The following HS3ST5 variants were observed in gnomAD, a reference collection of about 807,000 sequenced individuals.
HS3ST5 encodes heparan sulfate glucosamine 3-O-sulfotransferase 5.
In HS3ST5, 10 loss-of-function variants were observed where a neutral mutation model predicts 25.4. The ratio of observed to expected loss-of-function variants is 0.39; its 90% CI spans 0.24 to 0.67. The LOEUF is 0.67. HS3ST5 is among the 30% of genes least tolerant of loss of function. The pLI, the probability that HS3ST5 is intolerant of heterozygous loss-of-function variation, is 0.44. For synonymous variants in HS3ST5, 170 were observed against 162.4 expected, an observed-to-expected ratio of 1.05 and a Z score of -0.36; for missense variants, 324 against 420.7, an observed-to-expected ratio of 0.77 and a Z score of 2.01.
In HS3ST5 at chr6:114,055,807, C is replaced by T. The variant is rs766995554; in HGVS notation, c.*1450G>A. ...ACTGTGATTGTGAGAAAAAAAAAAT[C>T]CATCTTTTTGTTGTCGTTGTTAATA... is the stretch of plus-strand genomic sequence containing the variant. On this transcript the variant is annotated 3_prime_UTR_variant, in exon 5 of 5. Transcript: ENST00000312719. The T allele has an allele frequency of 3.9e-5, 6 of 152,114 alleles. No individual in the cohort carries two copies. The highest frequency in any genetic ancestry group is 8.8e-5 in the Non-Finnish European group (6 of 68,018). 9.4% of individuals were successfully genotyped at this position (152,114 alleles called of 1,614,324 possible).
intron 3 of HS3ST5, among the ~76,000 whole-genome samples, chr6:114,096,301 T>G (rs1310083494): frequency 6.6e-6 from 1 of 152,200 alleles, no homozygotes; most frequent in African/African-American, 2.4e-5. Flanking sequence ...TAATGCATCT[T>G]AGGTATCATT....
chr6:114,333,251 T>G (rs2114923295), intron 1 of HS3ST5, among the ~76,000 whole-genome samples: 1 of 152,342 alleles, frequency 6.6e-6, no homozygotes, highest in African/African-American at 2.4e-5. Context: ...GGAGATGATC[T>G]TGAGGTACCT....
rs1771661279 is a variant in HS3ST5, at chr6:114,232,805, T to C, written c.-338-4027A>G. ...ACCTACTTCACTACTTTTCTCTGTG[T>C]ATCCTCCTCTTCTTTTTCTCCTCCT... On this transcript the variant is annotated intron_variant, in intron 1 of 4. Transcript: ENST00000312719. Among the ~76,000 whole-genome samples, 6 of 152,318 alleles carry C rather than the reference T, an allele frequency of 3.9e-5. No individual in the cohort carries two copies. In the South Asian group the frequency reaches 1.2e-3, roughly 32 times the overall value.
intron 3 of HS3ST5, among the ~76,000 whole-genome samples, chr6:114,159,139 C>G (rs1463891857): frequency 1.3e-5 from 2 of 152,200 alleles, no homozygotes; most frequent in African/African-American, 4.8e-5. Context: ...AAGAACATAA[C>G]TAGTAACTGT....
intron 1 of HS3ST5, among the ~76,000 whole-genome samples, chr6:114,316,578 C>T (rs1775756420): frequency 6.6e-6 from 1 of 152,018 alleles, no homozygotes; most frequent in African/African-American, 2.4e-5. Context: ...GTTCAAGTGA[C>T]AACATGATCC....
intron 1 of HS3ST5, among the ~76,000 whole-genome samples, chr6:114,318,764 G>A (rs1299365032): frequency 6.6e-6 from 1 of 152,074 alleles, no homozygotes; most frequent in Non-Finnish European, 1.5e-5. Flanking sequence ...GAACCTCTTG[G>A]GGAAATAGAA....
intron 1 of HS3ST5, among the ~76,000 whole-genome samples, chr6:114,235,389 TA>T (rs202072854): frequency 0.083 from 12,012 of 144,696 alleles, 489 homozygotes; most frequent in South Asian, 0.15. Flanking sequence ...ACTAAACAAG[TA>T]AAAAAAAAAA....
At chr6:114,284,518 C>G (rs1041996557) in intron 1 of HS3ST5, among the ~76,000 whole-genome samples, 2 of 151,924 alleles carry the variant, frequency 1.3e-5, no homozygotes, top group Middle Eastern at 3.2e-3. Flanking sequence ...TATGACCACT[C>G]TCTACTATGC....
At chr6:114,118,039 G>A (rs1268710670) in intron 3 of HS3ST5, among the ~76,000 whole-genome samples, 1 of 152,152 alleles carries the variant, frequency 6.6e-6, no homozygotes, top group African/African-American at 2.4e-5. Context: ...TAGCAATTAA[G>A]TGATTTGCCT....
intron 3 of HS3ST5, among the ~76,000 whole-genome samples, chr6:114,124,076 C>T (rs891968627): frequency 1.1e-4 from 16 of 152,132 alleles, no homozygotes; most frequent in African/African-American, 3.1e-4. Flanking sequence ...ATCTTCCTCC[C>T]GTGGTTTCAA....
In HS3ST5 at chr6:114,056,027, C is replaced by A. The variant is rs1772758447; in HGVS notation, c.*1230G>T. ...CAACTAACAGGGAGAGTTGTGAGATCTTGTTTTCATTTTTGAAGCATCAGC... is the reference window on the plus strand; with the variant it reads ...CAACTAACAGGGAGAGTTGTGAGATATTGTTTTCATTTTTGAAGCATCAGC... On this transcript the variant is annotated 3_prime_UTR_variant, in exon 5 of 5. Coordinates refer to ENST00000312719, the MANE Select transcript of HS3ST5 (RefSeq NM_153612.4). 6.6e-6 allele frequency: 1 copy of A among 152,094 alleles called. No homozygotes were observed. The highest frequency in any genetic ancestry group is 6.5e-5 in the Admixed American group (1 of 15,274). The allele number at this position is 152,094 out of a possible 1,614,324, so 9.4% of individuals were successfully genotyped here.
intron 1 of HS3ST5, among the ~76,000 whole-genome samples, chr6:114,333,351 G>T (rs1321817197): frequency 6.6e-6 from 1 of 152,094 alleles, no homozygotes; most frequent in Admixed American, 6.6e-5. Context: ...ATACAGAAGA[G>T]CAAAATAACA....
intron 2 of HS3ST5, among the ~76,000 whole-genome samples, chr6:114,191,183 T>C (rs148526493): frequency 2.0e-5 from 3 of 152,198 alleles, no homozygotes; most frequent in Non-Finnish European, 4.4e-5. Flanking sequence ...TTTCCTCTTA[T>C]GGGAAGTTCT....
intron 3 of HS3ST5, among the ~76,000 whole-genome samples, chr6:114,121,550 C>T (rs1224136460): frequency 6.6e-6 from 1 of 151,556 alleles, no homozygotes; most frequent in Non-Finnish European, 1.5e-5. Context: ...CTTTCCAAAC[C>T]CTTTTCTTTG....
chr6:114,145,276 A>C (rs745621151), intron 3 of HS3ST5, among the ~76,000 whole-genome samples: 4 of 152,026 alleles, frequency 2.6e-5, no homozygotes, highest in Non-Finnish European at 5.9e-5. Flanking sequence ...AACAAAAAAC[A>C]AAACACCTCA....
chr6:114,092,566 T>C (rs1775176052), intron 3 of HS3ST5, among the ~76,000 whole-genome samples: 1 of 152,094 alleles, frequency 6.6e-6, no homozygotes, highest in African/African-American at 2.4e-5. Flanking sequence ...TTGGCAGCCA[T>C]TTTGGTTTTG....
chr6:114,091,072 T>C (rs1426810713), intron 3 of HS3ST5, among the ~76,000 whole-genome samples: 1 of 152,182 alleles, frequency 6.6e-6, no homozygotes, highest in Non-Finnish European at 1.5e-5. Flanking sequence ...TAACACTCCT[T>C]TCTATTTTAG....
intron 1 of HS3ST5, among the ~76,000 whole-genome samples, chr6:114,320,488 C>G (rs767004530): frequency 2.5e-4 from 38 of 152,176 alleles, no homozygotes; most frequent in Non-Finnish European, 3.7e-4. Context: ...CAAATAACCT[C>G]ACTCCCATAT....
At chr6:114,330,034 A>G (rs1582820574) in intron 1 of HS3ST5, among the ~76,000 whole-genome samples, 1 of 152,172 alleles carries the variant, frequency 6.6e-6, no homozygotes, top group Non-Finnish European at 1.5e-5. Flanking sequence ...TGGGTAAGAG[A>G]TGCACAGTCC....
Sources: allele counts gnomAD v4.1 joint callset (sites outside exome capture counted in the v4.1 genomes callset), GRCh38; gene constraint gnomAD v4.1.1; transcripts MANE v1.5; gene names NCBI Gene and HGNC (gene_info 2026-07-23, HGNC 2026-07-21).